RGS6: variants seen among roughly 807,000 people sequenced by gnomAD.
RGS6 encodes the protein regulator of G-protein signaling 6.
In RGS6, 30 loss-of-function variants were observed where a neutral mutation model predicts 78.5. The ratio of observed to expected loss-of-function variants is 0.38; its 90% confidence interval spans 0.29 to 0.52. The LOEUF is 0.52. RGS6 is among the 20% of genes least tolerant of loss of function. The pLI is 0.85. For missense variants in RGS6, 495 were observed against 609.7 expected (o/e 0.81, Z 1.98); for synonymous variants, 206 against 206.0 (o/e 1.00, Z 0.00).
intron 2 of RGS6, among the ~76,000 whole-genome samples, chr14:72,212,153 G>A (rs545359814): frequency 1.7e-4 from 26 of 152,238 alleles, no homozygotes; most frequent in Non-Finnish European, 3.4e-4. Context: ...AGCTGTGACC[G>A]GCAGTACCCT....
At chr14:72,492,756 A>G (rs1019107615) in intron 12 of RGS6, among the ~76,000 whole-genome samples, 44 of 152,110 alleles carry the variant, frequency 2.9e-4, no homozygotes, top group African/African-American at 1.0e-3. Flanking sequence ...ATATATACCC[A>G]CAGGCAAGAG....
At chr14:72,132,890 T>G (rs1389024935) in intron 2 of RGS6, among the ~76,000 whole-genome samples, 1 of 152,078 alleles carries the variant, frequency 6.6e-6, no homozygotes, top group Non-Finnish European at 1.5e-5. Flanking sequence ...GGCAATGTTT[T>G]GTTCGTAGGG....
rs184991352 is a variant in RGS6, at chr14:71,956,889, C to T, written c.-20-7883C>T. Among the ~76,000 whole-genome samples the T allele has an allele frequency of 9.2e-5, 14 of 152,074 alleles. No individual in the cohort carries two copies. The East Asian group carries it at 1.2e-3, about 13-fold the overall frequency. ...GCCAGTGTGAATAGTGAAGGTGAAG[C>T]GAAGGGTAGGAATGGATAGTAAAAG... On this transcript the variant is annotated intron_variant, in intron 1 of 17. Coordinates refer to ENST00000553525, the MANE Select transcript of RGS6 (RefSeq NM_001204424.2).
chr14:72,404,455 C>G (rs746596511), intron 3 of RGS6, among the ~76,000 whole-genome samples: 3 of 152,178 alleles, frequency 2.0e-5, no homozygotes, highest in Non-Finnish European at 4.4e-5. Context: ...CTGAGAACCA[C>G]CCTTTACCCC....
chr14:72,358,207 A>G (rs1486546193), intron 3 of RGS6, among the ~76,000 whole-genome samples: 1 of 152,246 alleles, frequency 6.6e-6, no homozygotes, highest in Non-Finnish European at 1.5e-5. Flanking sequence ...CTGCAGGGGC[A>G]GAGCCCTCAT....
chr14:72,407,650 T>A (rs2093045548), intron 3 of RGS6, among the ~76,000 whole-genome samples: 1 of 152,250 alleles, frequency 6.6e-6, no homozygotes, highest in Non-Finnish European at 1.5e-5. Flanking sequence ...GCCCCCTTTG[T>A]CAGGAAATGT....
intron 1 of RGS6, among the ~76,000 whole-genome samples, chr14:71,944,685 A>G (rs1344067210): frequency 1.3e-5 from 2 of 152,182 alleles, no homozygotes; most frequent in East Asian, 3.8e-4. Context: ...AATAGGAATA[A>G]ACTTTAAAGG....
chr14:72,089,779 C>T (rs529988178), intron 2 of RGS6, among the ~76,000 whole-genome samples: 2 of 152,342 alleles, frequency 1.3e-5, no homozygotes, highest in South Asian at 4.1e-4. Flanking sequence ...CACCCAGCCT[C>T]CTCCCCTGGC....
intron 11 of RGS6, chr14:72,477,256 T>G (rs145013621): frequency 6.3e-6 from 1 of 159,072 alleles, no homozygotes; most frequent in East Asian, 1.9e-4. Context: ...CTACTCCCAA[T>G]GCCATTTCAG....
At chr14:72,356,893 G>T (rs2080414864) in intron 3 of RGS6, among the ~76,000 whole-genome samples, 1 of 152,100 alleles carries the variant, frequency 6.6e-6, no homozygotes, top group Non-Finnish European at 1.5e-5. Context: ...CCCAATCTTG[G>T]GTATGTCTTT....
Position 72,562,473 on chromosome 14 carries a change from C to T in RGS6, c.*6C>T. The stretch of plus-strand genomic sequence containing the variant: ...GCCTGATGCAGTCCTCCTGACCGTT[C>T]CTACCGCAGGTCCAGGGCCTGGGCC... On this transcript the variant is annotated 3_prime_UTR_variant, in exon 18 of 18. Coordinates refer to ENST00000553525, the MANE Select transcript of RGS6 (RefSeq NM_001204424.2). 6.2e-7 allele frequency: 1 copy of T among 1,612,198 alleles called. No individual in the cohort carries two copies. The highest frequency in any genetic ancestry group is 1.1e-5 in the South Asian group (1 of 91,082).
chr14:72,530,217 A>G (rs2097165499), intron 15 of RGS6, among the ~76,000 whole-genome samples: 1 of 152,170 alleles, frequency 6.6e-6, no homozygotes, highest in African/African-American at 2.4e-5. Context: ...TCAGAACAAG[A>G]AGCAGGGAAC....
At chr14:71,983,925 G>T (rs2094570746) in intron 2 of RGS6, among the ~76,000 whole-genome samples, 1 of 152,208 alleles carries the variant, frequency 6.6e-6, no homozygotes, top group Non-Finnish European at 1.5e-5. Context: ...TGAACAAGTA[G>T]TGTACTTATT....
intron 14 of RGS6, among the ~76,000 whole-genome samples, chr14:72,510,915 A>G (rs1374056113): frequency 6.6e-6 from 1 of 152,246 alleles, no homozygotes; most frequent in Non-Finnish European, 1.5e-5. Context: ...TTGATGAGGG[A>G]AATGTATTAA....
At chr14:72,227,985 G>A (rs17109404) in intron 2 of RGS6, among the ~76,000 whole-genome samples, 8,772 of 152,198 alleles carry the variant, frequency 0.058, 470 homozygotes, top group African/African-American at 0.14. Context: ...GATCTTAACA[G>A]TGGAAGAACA....
At chr14:72,352,461 C>T (rs1046505046) in intron 3 of RGS6, among the ~76,000 whole-genome samples, 10 of 152,178 alleles carry the variant, frequency 6.6e-5, no homozygotes, top group East Asian at 1.9e-4. Context: ...AATAAAGTGG[C>T]GCATCAGCAA....
chr14:72,204,449 G>A (rs561142637), intron 2 of RGS6, among the ~76,000 whole-genome samples: 2 of 152,240 alleles, frequency 1.3e-5, no homozygotes, highest in East Asian at 3.9e-4. Context: ...GTAGTAACCT[G>A]CCTCAGTTTC....
intron 13 of RGS6, among the ~76,000 whole-genome samples, chr14:72,508,665 A>T (rs1433988574): frequency 7.2e-6 from 1 of 139,068 alleles, no homozygotes; most frequent in Non-Finnish European, 1.5e-5. Flanking sequence ...TTAATCTCTT[A>T]CTGTCTGTTG....
Position 72,081,184 on chromosome 14 carries a change from A to G in RGS6, c.84+116309A>G, listed in dbSNP as rs2094807213. ...TCCATACATGTGTGTCTTCAAGTTC[A>G]TTCATCACTGTCATATAGTTTTCAG... On this transcript the variant is annotated intron_variant, in intron 2 of 17. Transcript: ENST00000553525. Among the ~76,000 whole-genome samples the G allele has an allele frequency of 3.3e-5, 5 of 152,020 alleles. No individual in the cohort carries two copies. In the South Asian group the frequency reaches 1.0e-3, roughly 31 times the overall value.
Sources: gnomAD v4.1 joint callset for allele counts (sites outside exome capture counted in the v4.1 genomes callset) on GRCh38, gnomAD v4.1.1 for gene constraint, MANE v1.5 for transcripts, NCBI Gene and HGNC (gene_info 2026-07-23, HGNC 2026-07-21) for gene names.